The following SLC30A10 variants were observed in gnomAD, a reference collection of about 807,000 sequenced individuals.
The protein encoded by SLC30A10 is calcium/manganese antiporter SLC30A10.
SLC30A10 carries 8 observed loss-of-function variants against 21.7 expected under a neutral mutation model. That is an observed-to-expected ratio of 0.37 (90% CI 0.22 to 0.67). The LOEUF is 0.67. Among genes scored for constraint, SLC30A10 ranks in the 30% least tolerant of loss-of-function variants. SLC30A10 has a pLI of 0.58. For synonymous variants in SLC30A10, 272 were observed against 279.4 expected, an observed-to-expected ratio of 0.97 and a Z score of 0.26; for missense variants, 521 against 642.5, an observed-to-expected ratio of 0.81 and a Z score of 2.04.
intron 2 of SLC30A10, among the ~76,000 whole-genome samples, chr1:219,922,501 G>A (rs144722079): frequency 6.6e-5 from 10 of 152,102 alleles, no homozygotes; most frequent in Non-Finnish European, 1.3e-4. Flanking sequence ...CGGGAGACTC[G>A]TGGGAAACTG....
chr1:219,916,016 G>C, intron 3 of SLC30A10, 68 bp from the exon 4 acceptor site: 5 of 1,539,940 alleles, frequency 3.2e-6, no homozygotes, highest in Non-Finnish European at 4.4e-6. Flanking sequence ...CTACAGGAGG[G>C]ATATGGTTCC....
chr1:219,940,649 G>A (rs1660108078), intron 1 of SLC30A10, among the ~76,000 whole-genome samples: 1 of 152,194 alleles, frequency 6.6e-6, no homozygotes, highest in South Asian at 2.1e-4. Flanking sequence ...ATTATTAGAT[G>A]AGCTTCAAAA....
At chr1:219,920,765 A>G in intron 2 of SLC30A10, among the ~76,000 whole-genome samples, 1 of 152,216 alleles carries the variant, frequency 6.6e-6, no homozygotes. Flanking sequence ...GGAACTCAAA[A>G]GTATTTTGAG....
intron 1 of SLC30A10, among the ~76,000 whole-genome samples, chr1:219,935,135 T>C (rs1660029777): frequency 6.6e-6 from 1 of 152,166 alleles, no homozygotes; most frequent in Non-Finnish European, 1.5e-5. Context: ...CCAATTCAAA[T>C]GGAAGCAAAA....
rs561798461 is a variant in SLC30A10, at chr1:219,915,625, A to G, written c.1282T>C (p.Cys428Arg). Residue 428 changes from cysteine (C) to arginine (R), a missense_variant, in exon 4 of 4, where the codon TGT becomes CGT. Transcript: ENST00000366926. The stretch of plus-strand genomic sequence containing the variant: ...GAGGGCCCACCATTGTGCTCAGCAC[A>G]GCCATTGACGTGAGCCAGAGGCAGT... Reference protein sequence around the residue: ...GALPLAHVNGCAEHNGGPSLD... With the variant: ...GALPLAHVNGRAEHNGGPSLD... 2 of 1,614,248 alleles carry G rather than the reference A, an allele frequency of 1.2e-6. 1 individual carries two copies. The highest frequency in any genetic ancestry group is 2.2e-5 in the South Asian group (2 of 91,088).
chr1:219,911,352 T>G lies in SLC30A10; in HGVS notation c.*4097A>C, dbSNP rs1659412122. ...TGTCATTAGCACTAAGATGAGCTGC[T>G]TACCAGGAACTAAGAAGAATTAACA... On this transcript the variant is annotated 3_prime_UTR_variant, in exon 4 of 4. Transcript: ENST00000366926. Among the ~76,000 whole-genome samples the G allele has an allele frequency of 6.6e-6, 1 of 151,968 alleles. No individual in the cohort carries two copies. Among genetic ancestry groups the G allele is most frequent in the East Asian group, 1.9e-4 (1 of 5,186 alleles).
chr1:219,919,881 C>T (rs543767072), intron 2 of SLC30A10, among the ~76,000 whole-genome samples: 2 of 152,110 alleles, frequency 1.3e-5, no homozygotes, highest in African/African-American at 2.4e-5. Flanking sequence ...TGCTTTGTCT[C>T]TCCATGTATT....
chr1:219,931,150 C>CT (rs1219169925), upstream of SLC30A10, among the ~76,000 whole-genome samples: 2 of 152,230 alleles, frequency 1.3e-5, no homozygotes, highest in Non-Finnish European at 1.5e-5. Context: ...AATTGCATGT[C>CT]TTTGTCATTC....
rs749859131 is a variant in SLC30A10, at chr1:219,928,032, A to G, written c.409T>C (p.Cys137Arg). Residue 137 changes from cysteine to arginine, a missense_variant, in exon 1 of 4, where the codon TGC (cysteine) becomes CGC (arginine). By Grantham distance (180) the Cys-to-Arg change is radical. Transcript: ENST00000366926. This position sits in a 1 kb window ranked among gnomAD's most constrained non-coding sequence, Gnocchi z 6.3. ...AGGCAGCACGCGAACCAGGCGGCGCAGTCCTGGAAGATGAGCAGCCCCACC... is the reference window on the plus strand; with the variant it reads ...AGGCAGCACGCGAACCAGGCGGCGCGGTCCTGGAAGATGAGCAGCCCCACC... ...NVVGLLIFQD[C>R]AAWFACCLRG... is the part of the protein sequence containing the mutation. 6.3e-7 allele frequency: 1 copy of G among 1,582,122 alleles called. No individual in the cohort carries two copies. The highest frequency in any genetic ancestry group is 1.8e-5 in the Admixed American group (1 of 56,514).
chr1:219,926,959 C>A, intron 2 of SLC30A10, 69 bp downstream of exon 2: 5 of 1,291,064 alleles, frequency 3.9e-6, no homozygotes, highest in Non-Finnish European at 5.6e-6. Context: ...AAAAGTCAAA[C>A]AGAAATAAAC....
chr1:219,949,772 A>T (rs1045466049), intron 1 of SLC30A10, among the ~76,000 whole-genome samples: 4 of 151,566 alleles, frequency 2.6e-5, no homozygotes, highest in Admixed American at 1.3e-4. Flanking sequence ...AAAATAAAAT[A>T]AAAATAAAAA....
At chr1:219,921,631 A>G (rs944260781) in intron 2 of SLC30A10, among the ~76,000 whole-genome samples, 1 of 152,192 alleles carries the variant, frequency 6.6e-6, no homozygotes, top group Non-Finnish European at 1.5e-5. Context: ...TCATCCTTAT[A>G]TATGACTTCT....
At chr1:219,948,391 A>AGATATAGATCTCTGTT (rs1558260803) in intron 1 of SLC30A10, among the ~76,000 whole-genome samples, 8 of 151,494 alleles carry the variant, frequency 5.3e-5, no homozygotes, top group African/African-American at 1.9e-4. Flanking sequence ...CCAAAACAGC[A>AGATATAGATCTCTGTT]TGGTACTGGT....
At chr1:219,931,663 T>C (rs2102538239), upstream of SLC30A10, among the ~76,000 whole-genome samples, 1 of 152,178 alleles carries the variant, frequency 6.6e-6, no homozygotes, top group East Asian at 1.9e-4. Context: ...GTACTTTTAG[T>C]AGAGATAGGG....
In SLC30A10 at chr1:219,927,794, A is replaced by G; in HGVS notation, c.640+7T>C. On this transcript the variant is annotated splice_region_variant and intron_variant, in intron 1 of 3. Coordinates refer to ENST00000366926, the MANE Select transcript of SLC30A10 (RefSeq NM_018713.3). ...CAAGCGGTCCAAAGGATGCAACCGAAAGGCACCTGCTACGTTTGCGAACAC... is the reference window on the plus strand; with the variant it reads ...CAAGCGGTCCAAAGGATGCAACCGAGAGGCACCTGCTACGTTTGCGAACAC... 6.5e-7 allele frequency: 1 copy of G among 1,533,914 alleles called. No homozygotes were observed. Among genetic ancestry groups the G allele is most frequent in the Non-Finnish European group, 8.8e-7 (1 of 1,141,342 alleles).
intron 3 of SLC30A10, among the ~76,000 whole-genome samples, chr1:219,917,956 A>G (rs1332179543): frequency 6.6e-6 from 1 of 151,866 alleles, no homozygotes; most frequent in Non-Finnish European, 1.5e-5. Context: ...CAGGTGACTC[A>G]CCCACCTCTG....
chr1:219,949,566 A>G (rs1308681226), intron 1 of SLC30A10, among the ~76,000 whole-genome samples: 2 of 152,078 alleles, frequency 1.3e-5, no homozygotes, highest in Non-Finnish European at 2.9e-5. Context: ...ATGAGAATAC[A>G]TGGACACAGG....
At chr1:219,954,881 A>G (rs1020258606) in intron 1 of SLC30A10, among the ~76,000 whole-genome samples, 2 of 152,122 alleles carry the variant, frequency 1.3e-5, no homozygotes, top group Admixed American at 6.5e-5. Flanking sequence ...TGAGCTGTAC[A>G]AGGTCACCTT....
At position 219,915,286 on chromosome 1, in the gene SLC30A10, C is replaced by T; in HGVS notation, c.*163G>A. 2 of 800,906 alleles carry T rather than the reference C, an allele frequency of 2.5e-6. No homozygotes were observed. The highest frequency in any genetic ancestry group is 3.4e-5 in the South Asian group (2 of 58,088). The allele number at this position is 800,906 out of a possible 1,614,324, so 49.6% of individuals were successfully genotyped here. A position where few individuals can be genotyped will look rare whatever the true frequency, so the allele number is the denominator to read the frequency against. The stretch of plus-strand genomic sequence containing the variant: ...AAGGAGTTAGTTACATAAAAATTCA[C>T]AGACACGTTTAACTAAAATCCCAAA... On this transcript the variant is annotated 3_prime_UTR_variant, in exon 4 of 4. Coordinates refer to ENST00000366926, the MANE Select transcript of SLC30A10 (RefSeq NM_018713.3).
Sources: gnomAD v4.1 joint callset for allele counts (sites outside exome capture counted in the v4.1 genomes callset) on GRCh38, gnomAD v4.1.1 for gene constraint, Gnocchi (gnomAD v3.1) non-coding constraint, MANE v1.5 for transcripts, NCBI Gene and HGNC (gene_info 2026-07-23, HGNC 2026-07-21) for gene names.